The following GABBR2 variants were observed in gnomAD, a reference collection of about 807,000 sequenced individuals.
The protein encoded by GABBR2 is G-protein coupled receptor 51.
GABBR2 carries 23 observed loss-of-function variants against 105.6 expected under a neutral mutation model. The observed-to-expected ratio is 0.22, with a 90% CI of 0.16 to 0.31. GABBR2 has a LOEUF of 0.31. Among genes scored for constraint, GABBR2 ranks in the 10% least tolerant of loss-of-function variants. GABBR2 has a pLI of 1.00. For missense variants in GABBR2, 734 were observed against 1,245.5 expected (o/e 0.59, Z 6.18); for synonymous variants, 478 against 499.7 (o/e 0.96, Z 0.58).
chr9:98,554,155 G>A (rs1447244389), intron 2 of GABBR2, among the ~76,000 whole-genome samples: 1 of 152,082 alleles, frequency 6.6e-6, no homozygotes, highest in East Asian at 1.9e-4. Flanking sequence ...TGCTTCTCAG[G>A]GAGGCATCTG....
intron 13 of GABBR2, among the ~76,000 whole-genome samples, chr9:98,313,658 G>C (rs886425113): frequency 7.2e-5 from 11 of 152,134 alleles, no homozygotes; most frequent in African/African-American, 2.7e-4. Flanking sequence ...CCAAATAACT[G>C]TGTTCAGGAT....
intron 5 of GABBR2, among the ~76,000 whole-genome samples, chr9:98,479,545 A>G (rs1049099086): frequency 6.6e-6 from 1 of 152,194 alleles, no homozygotes; most frequent in Non-Finnish European, 1.5e-5. Flanking sequence ...AAATCAGAAG[A>G]TGATCGGACA....
intron 3 of GABBR2, among the ~76,000 whole-genome samples, chr9:98,501,944 C>T (rs146554310): frequency 4.6e-5 from 7 of 152,248 alleles, no homozygotes; most frequent in Non-Finnish European, 7.4e-5. Context: ...ACAGCAGAGA[C>T]GAGCGCGTCT....
intron 2 of GABBR2, among the ~76,000 whole-genome samples, chr9:98,563,429 G>A (rs948674393): frequency 4.8e-4 from 73 of 152,314 alleles, no homozygotes; most frequent in African/African-American, 1.6e-3. Context: ...CGCATCCACC[G>A]GAGGCACGCC....
At chr9:98,553,734 A>C (rs774371330) in intron 2 of GABBR2, among the ~76,000 whole-genome samples, 5 of 152,216 alleles carry the variant, frequency 3.3e-5, no homozygotes, top group African/African-American at 4.8e-5. Flanking sequence ...TGTGCAAAAC[A>C]ACCCTATGAA....
At chr9:98,468,926 C>T (rs960057289) in intron 6 of GABBR2, among the ~76,000 whole-genome samples, 2 of 152,100 alleles carry the variant, frequency 1.3e-5, no homozygotes, top group Non-Finnish European at 2.9e-5. Flanking sequence ...GGGGAAGGGG[C>T]GCTGAGTTGG....
At chr9:98,553,693 T>C (rs1179722745) in intron 2 of GABBR2, among the ~76,000 whole-genome samples, 3 of 152,228 alleles carry the variant, frequency 2.0e-5, no homozygotes, top group Admixed American at 6.5e-5. Context: ...AAGCACTGCA[T>C]GAAGGGCTTA....
At chr9:98,397,545 C>T (rs1406792771) in intron 8 of GABBR2, among the ~76,000 whole-genome samples, 2 of 152,092 alleles carry the variant, frequency 1.3e-5, no homozygotes, top group Non-Finnish European at 2.9e-5. Context: ...GGTAAGTGTC[C>T]AATAAATTAC....
At chr9:98,372,186 A>G (rs1044931163) in intron 11 of GABBR2, among the ~76,000 whole-genome samples, 10 of 152,132 alleles carry the variant, frequency 6.6e-5, no homozygotes, top group African/African-American at 2.4e-4. Context: ...GGAGCCTACA[A>G]CTTGGATCCC....
intron 1 of GABBR2, 72 bp downstream of exon 1, chr9:98,708,345 G>A: frequency 2.3e-6 from 3 of 1,279,494 alleles, no homozygotes; most frequent in Admixed American, 7.1e-5. Context: ...AAAGGCCGGA[G>A]GTTGCCTGTG....
At chr9:98,588,199 AT>A (rs1404547037) in intron 1 of GABBR2, among the ~76,000 whole-genome samples, 2 of 152,236 alleles carry the variant, frequency 1.3e-5, no homozygotes, top group Non-Finnish European at 2.9e-5. Flanking sequence ...AGACTTTAAC[AT>A]TTATCATTGC....
At chr9:98,485,927 C>G (rs1827038206) in intron 4 of GABBR2, among the ~76,000 whole-genome samples, 1 of 152,174 alleles carries the variant, frequency 6.6e-6, no homozygotes, top group Non-Finnish European at 1.5e-5. Context: ...CAACCAACAA[C>G]TGACTCACAT....
intron 1 of GABBR2, among the ~76,000 whole-genome samples, chr9:98,619,502 C>A (rs1412696337): frequency 6.6e-6 from 1 of 152,088 alleles, no homozygotes; most frequent in Non-Finnish European, 1.5e-5. Context: ...CAACATTTAC[C>A]CAAGTCAATA....
At chr9:98,656,315 A>T (rs1830182412) in intron 1 of GABBR2, among the ~76,000 whole-genome samples, 1 of 152,182 alleles carries the variant, frequency 6.6e-6, no homozygotes, top group South Asian at 2.1e-4. Context: ...TGATGGGGCC[A>T]TCCCTAAAGA....
chr9:98,661,324 T>C (rs1571927), intron 1 of GABBR2, among the ~76,000 whole-genome samples: 107,360 of 152,174 alleles, frequency 0.71, 38,872 homozygotes, highest in Middle Eastern at 0.84. Flanking sequence ...AAGCCTACAC[T>C]GTGGGCCCTT....
Position 98,514,343 on chromosome 9 carries a change from A to G in GABBR2, c.631-17829T>C, listed in dbSNP as rs1387016743. Among the ~76,000 whole-genome samples, 5 of 131,766 alleles carry G rather than the reference A, an allele frequency of 3.8e-5. 2 individuals carry two copies. Among genetic ancestry groups the G allele is most frequent in the Non-Finnish European group, 8.6e-5 (5 of 57,852 alleles). 86.4% of individuals were successfully genotyped at this position (131,766 alleles called of 152,430 possible). A position where few individuals can be genotyped will look rare whatever the true frequency, so the allele number is the denominator to read the frequency against. ...TGGGTGCAGCACACCAGCACGGCAC[A>G]TGTATACATATGTAACTAACCTGCA... On this transcript the variant is annotated intron_variant, in intron 3 of 18. Transcript: ENST00000259455.
chr9:98,486,022 G>A (rs940826461), intron 4 of GABBR2, among the ~76,000 whole-genome samples: 2 of 152,178 alleles, frequency 1.3e-5, no homozygotes, highest in Non-Finnish European at 2.9e-5. Flanking sequence ...GTGGGGCCAG[G>A]CTAAACTGGT....
At chr9:98,328,339 A>C (rs534005927) in intron 13 of GABBR2, among the ~76,000 whole-genome samples, 1 of 152,178 alleles carries the variant, frequency 6.6e-6, no homozygotes, top group East Asian at 1.9e-4. Flanking sequence ...ATTTGGGAGA[A>C]TGTTAAAAAC....
chr9:98,310,393 C>T (rs990331940), intron 14 of GABBR2, among the ~76,000 whole-genome samples: 6 of 147,946 alleles, frequency 4.1e-5, no homozygotes, highest in Admixed American at 6.6e-5. Context: ...GGATTACAGG[C>T]GCCCACAACC....
Sources: gnomAD v4.1 joint callset for allele counts (sites outside exome capture counted in the v4.1 genomes callset) on GRCh38, gnomAD v4.1.1 for gene constraint, MANE v1.5 for transcripts, NCBI Gene and HGNC (gene_info 2026-07-23, HGNC 2026-07-21) for gene names.